Variants in ACYP1 observed in about 807,000 individuals in gnomAD.
ACYP1 encodes acylphosphatase-1.
Under a neutral mutation model 10.4 loss-of-function variants are expected in ACYP1, and 8 were observed. That is an observed-to-expected ratio of 0.77 (90% CI 0.45 to 1.38). The LOEUF (loss-of-function observed/expected upper bound fraction) is 1.38. Ranked by LOEUF, ACYP1 falls within the 40% of genes most tolerant of loss-of-function variation. The pLI is 0.00. For missense variants in ACYP1, 93 were observed against 117.3 expected (o/e 0.79, Z 0.96); for synonymous variants, 38 against 40.8 (o/e 0.93, Z 0.26).
rs140336511 is a variant in ACYP1, at chr14:75,061,709, T to G, written c.84+1761A>C. ...CTGCATAACTGGTAGCAAAGCTAAC[T>G]GGAACACAGCTCTTGCTGTGAGTTT... On this transcript the variant is annotated intron_variant, in intron 2 of 2. Coordinates refer to ENST00000238618, the MANE Select transcript of ACYP1 (RefSeq NM_001107.5). 3,192 of 1,593,388 alleles carry G rather than the reference T, an allele frequency of 2.0e-3. 4 individuals are homozygous for G. The highest frequency in any genetic ancestry group is 2.5e-3 in the Non-Finnish European group (2,888 of 1,165,224).
At chr14:75,064,524 A>T (rs1396551977), upstream of ACYP1, 1 of 152,216 alleles carries the variant, frequency 6.6e-6, no homozygotes, top group Non-Finnish European at 1.5e-5. Context: ...ACTTGAGGTC[A>T]GGAGTTCGAG....
chr14:75,066,333 A>G (rs893653368), upstream of ACYP1, among the ~76,000 whole-genome samples: 2 of 152,190 alleles, frequency 1.3e-5, no homozygotes, highest in African/African-American at 4.8e-5. Context: ...CACTTTGTAC[A>G]CTGCAAATAT....
At chr14:75,062,659 C>CAAAAAAAAAAAAAA (rs534860020) in intron 2 of ACYP1, among the ~76,000 whole-genome samples, 3 of 103,418 alleles carry the variant, frequency 2.9e-5, no homozygotes, top group Admixed American at 1.2e-4. Context: ...ACTAAAAATA[C>CAAAAAAAAAAAAAA]AAAAAAAAAA....
In ACYP1 at chr14:75,063,928, C is replaced by T. The variant is rs1893094181; in HGVS notation, c.-9+26G>A. ...TTAGGGCTAATCGACCTGAGAAGCA[C>T]ACCCTGGGGGCCCCTGGCGGCTCAC... On this transcript the variant is annotated intron_variant, in intron 1 of 2. Coordinates refer to ENST00000238618, the MANE Select transcript of ACYP1 (RefSeq NM_001107.5). 2.4e-5 allele frequency: 24 copies of T among 1,006,222 alleles called. No homozygotes were observed. In the South Asian group the frequency reaches 8.4e-4, roughly 35 times the overall value. 62.3% of individuals were successfully genotyped at this position (1,006,222 alleles called of 1,614,324 possible).
chr14:75,053,266 T>G lies in ACYP1; in HGVS notation c.*178A>C. 1.6e-6 allele frequency: 1 copy of G among 624,440 alleles called. No homozygotes were observed. The highest frequency in any genetic ancestry group is 2.0e-5 in the South Asian group (1 of 49,742). The allele number at this position is 624,440 out of a possible 1,614,324, so 38.7% of individuals were successfully genotyped here. A position where few individuals can be genotyped will look rare whatever the true frequency, so the allele number is the denominator to read the frequency against. On this transcript the variant is annotated 3_prime_UTR_variant, in exon 3 of 3. Coordinates refer to ENST00000238618, the MANE Select transcript of ACYP1 (RefSeq NM_001107.5). Reference sequence around the variant, plus strand: ...CAGAAGGTTCTAACGTTTTTATTGATTAGATTTGTGTACAGTGGTAATCCT... The same window carrying G: ...CAGAAGGTTCTAACGTTTTTATTGAGTAGATTTGTGTACAGTGGTAATCCT...
upstream of ACYP1, among the ~76,000 whole-genome samples, chr14:75,068,248 G>A (rs1256994965): frequency 2.0e-5 from 3 of 152,022 alleles, no homozygotes; most frequent in Admixed American, 6.6e-5. Flanking sequence ...CTAAGAGTGC[G>A]CCACTGCACT....
At position 75,053,360 on chromosome 14, in the gene ACYP1, A is replaced by T; in HGVS notation, c.*84T>A. 1 of 1,219,116 alleles carries T rather than the reference A, an allele frequency of 8.2e-7. No homozygotes were observed. The highest frequency in any genetic ancestry group is 1.2e-6 in the Non-Finnish European group (1 of 838,466). The allele number at this position is 1,219,116 out of a possible 1,614,324, so 75.5% of individuals were successfully genotyped here. ...TTAAAATAACTTATTGACTAATGCT[A>T]ATATTAACACACAATAGTTCTATCT... On this transcript the variant is annotated 3_prime_UTR_variant, in exon 3 of 3. Coordinates refer to ENST00000238618, the MANE Select transcript of ACYP1 (RefSeq NM_001107.5).
intron 2 of ACYP1, chr14:75,060,312 G>T: frequency 3.1e-6 from 2 of 648,492 alleles, no homozygotes; most frequent in South Asian, 3.5e-5. Flanking sequence ...TACCCACTAG[G>T]ATGGCTAACA....
Position 75,062,543 on chromosome 14 carries a change from C to T in ACYP1, c.84+927G>A, listed in dbSNP as rs141286829. On this transcript the variant is annotated intron_variant, in intron 2 of 2. Coordinates refer to ENST00000238618, the MANE Select transcript of ACYP1 (RefSeq NM_001107.5). Reference sequence around the variant, plus strand: ...GAAGTTCTGCAGTCCTGGCCGGGTGCGGTGGCTCACACCTGTAATCCCAGC... The same window carrying T: ...GAAGTTCTGCAGTCCTGGCCGGGTGTGGTGGCTCACACCTGTAATCCCAGC... Among the ~76,000 whole-genome samples, 1,007 of 150,138 alleles carry T rather than the reference C, an allele frequency of 6.7e-3. 8 individuals are homozygous for T. Among genetic ancestry groups the T allele is most frequent in the African/African-American group, 0.023 (952 of 40,902 alleles).
At position 75,053,354 on chromosome 14, in the gene ACYP1, A is replaced by T. The variant is rs1594789799; in HGVS notation, c.*90T>A. 4.4e-6 allele frequency: 5 copies of T among 1,142,564 alleles called. No individual in the cohort carries two copies. Among genetic ancestry groups the T allele is most frequent in the Non-Finnish European group, 6.5e-6 (5 of 774,032 alleles). The allele number at this position is 1,142,564 out of a possible 1,614,324, so 70.8% of individuals were successfully genotyped here. A position where few individuals can be genotyped will look rare whatever the true frequency, so the allele number is the denominator to read the frequency against. On this transcript the variant is annotated 3_prime_UTR_variant, in exon 3 of 3. Coordinates refer to ENST00000238618, the MANE Select transcript of ACYP1 (RefSeq NM_001107.5). ...CTGACATTAAAATAACTTATTGACT[A>T]ATGCTAATATTAACACACAATAGTT...
chr14:75,068,945 T>G (rs80091336), upstream of ACYP1, among the ~76,000 whole-genome samples: 301 of 152,340 alleles, frequency 2.0e-3, 5 homozygotes, highest in East Asian at 0.045. Flanking sequence ...GTCAACAAGA[T>G]AGAGTATCAT....
At chr14:75,054,604 T>C (rs1892829423) in intron 2 of ACYP1, among the ~76,000 whole-genome samples, 1 of 151,578 alleles carries the variant, frequency 6.6e-6, no homozygotes, top group African/African-American at 2.4e-5. Context: ...CATGATTGCA[T>C]GTCAAAATGT....
At chr14:75,055,117 C>T (rs4312248) in intron 2 of ACYP1, among the ~76,000 whole-genome samples, 1,500 of 138,718 alleles carry the variant, frequency 0.011, 45 homozygotes, top group African/African-American at 0.038. Flanking sequence ...GACGGAGTCT[C>T]GCTCTGTCGC....
At chr14:75,063,353 C>G (rs1295692992) in intron 2 of ACYP1, 117 bp downstream of exon 2, 2 of 783,946 alleles carry the variant, frequency 2.6e-6, no homozygotes, top group East Asian at 5.1e-5. Flanking sequence ...CAAACTACCT[C>G]TTTGCCATGC....
intron 1 of ACYP1, 110 bp downstream of exon 1, chr14:75,063,844 G>T (rs1319861309): frequency 3.7e-6 from 3 of 814,508 alleles, no homozygotes; most frequent in South Asian, 7.5e-5. Context: ...GCCCGGTCCC[G>T]CTCCCTCACT....
chr14:75,054,138 C>A (rs1892818027), intron 2 of ACYP1, among the ~76,000 whole-genome samples: 1 of 152,242 alleles, frequency 6.6e-6, no homozygotes, highest in African/African-American at 2.4e-5. Context: ...TTCATTATAT[C>A]TTTAAAGATC....
chr14:75,056,234 TAGA>T (rs771646745), intron 2 of ACYP1, among the ~76,000 whole-genome samples: 4 of 150,258 alleles, frequency 2.7e-5, no homozygotes, highest in African/African-American at 4.9e-5. Flanking sequence ...TTCCAAAAAA[TAGA>T]AGAAGATCCA....
chr14:75,062,120 A>AAAAAAAAAG (rs1566620216), intron 2 of ACYP1, among the ~76,000 whole-genome samples: 4 of 147,940 alleles, frequency 2.7e-5, no homozygotes, highest in Admixed American at 6.7e-5. Context: ...AAAAAAAAAA[A>AAAAAAAAAG]AAAAGAAAAG....
intron 2 of ACYP1, chr14:75,059,874 A>G (rs2139653201): frequency 5.7e-6 from 1 of 173,978 alleles, no homozygotes; most frequent in South Asian, 1.8e-4. Flanking sequence ...AAGGACAAAT[A>G]CTGTAAAATT....
Sources: gnomAD v4.1 joint callset for allele counts (sites outside exome capture counted in the v4.1 genomes callset) on GRCh38, gnomAD v4.1.1 for gene constraint, MANE v1.5 for transcripts, NCBI Gene and HGNC (gene_info 2026-07-23, HGNC 2026-07-21) for gene names.